Variants in GPATCH3 observed in about 807,000 individuals in gnomAD.
GPATCH3 encodes G patch domain-containing protein 3.
GPATCH3 carries 45 observed loss-of-function variants against 53.2 expected under a neutral mutation model. The ratio of observed to expected loss-of-function variants is 0.85; its 90% CI spans 0.67 to 1.08. GPATCH3 has a LOEUF of 1.08. GPATCH3 is among the 50% of genes least tolerant of loss of function. GPATCH3 has a pLI of 0.00. For missense variants in GPATCH3, 680 were observed against 687.2 expected (o/e 0.99, Z 0.12); for synonymous variants, 280 against 270.6 (o/e 1.03, Z -0.34).
chr1:26,893,473 C>CTTAATGTACTG, intron 3 of GPATCH3, 25 bp from the exon 4 acceptor site: 1 of 1,571,770 alleles, frequency 6.4e-7, no homozygotes, highest in Non-Finnish European at 8.7e-7. Context: ...AAGCATCCAA[C>CTTAATGTACTG]AGAGTACATT....
rs749274326 is a variant in GPATCH3 at position 26,890,868 on chromosome 1, G to C, written c.*142C>G. 1.2e-6 allele frequency: 1 copy of C among 848,770 alleles called. No individual in the cohort carries two copies. The allele number at this position is 848,770 out of a possible 1,614,324, so 52.6% of individuals were successfully genotyped here. A position where few individuals can be genotyped will look rare whatever the true frequency, so the allele number is the denominator to read the frequency against. On this transcript the variant is annotated 3_prime_UTR_variant, in exon 7 of 7. Transcript: ENST00000361720. ...AAAAATGCCCCTGAGGTATAGAACC[G>C]GCAGGCAGGCAGGCTCGGAACAAAA...
Position 26,897,716 on chromosome 1 carries a change from GAGCCCAGACCTTGGAA to G in GPATCH3, c.452-7_460del. ...TTCCTTCCGGGTCTTGAAGGGAAAG[GAGCCCAGACCTTGGAA>G]AGGAGGGAGAATAGATCTTGAAACC... On this transcript the variant is annotated splice_acceptor_variant and splice_polypyrimidine_tract_variant and coding_sequence_variant and intron_variant, in exon 2 of 7. Transcript: ENST00000361720. LOFTEE classifies it high-confidence loss of function. The G allele has an allele frequency of 6.2e-7, 1 of 1,609,360 alleles. No individual in the cohort carries two copies. The highest frequency in any genetic ancestry group is 1.1e-5 in the South Asian group (1 of 90,610).
In GPATCH3 at chr1:26,891,101, C is replaced by A; in HGVS notation, c.1487G>T (p.Arg496Leu). The A allele has an allele frequency of 6.2e-7, 1 of 1,614,106 alleles. No homozygotes were observed. The highest frequency in any genetic ancestry group is 1.1e-5 in the South Asian group (1 of 91,076). ...AAACTTCATGCTGGTGGGTGGCTGG[C>A]GGCGGAGCAGTGACTCCGTCTGGTC... ...PQDQTESLLR[R>L]QPPTSMKFRT... is the part of the protein sequence containing the mutation. Residue 496 changes from arginine (R) to leucine (L), a missense_variant, in exon 7 of 7, where the codon CGC becomes CTC. Transcript: ENST00000361720.
chr1:26,900,446 G>T lies in GPATCH3; in HGVS notation c.-4C>A. The T allele has an allele frequency of 1.9e-6, 3 of 1,607,352 alleles. No individual in the cohort carries two copies. The highest frequency in any genetic ancestry group is 2.6e-6 in the Non-Finnish European group (3 of 1,175,974). On this transcript the variant is annotated 5_prime_UTR_variant, in exon 1 of 7. Coordinates refer to ENST00000361720, the MANE Select transcript of GPATCH3 (RefSeq NM_022078.3). ...CCGCCTCGCCGGGCACCGCCATCTTGGATTGTCACATGATCAGCTAGAACC... is the reference window on the plus strand; with the variant it reads ...CCGCCTCGCCGGGCACCGCCATCTTTGATTGTCACATGATCAGCTAGAACC...
In GPATCH3 at chr1:26,890,751, A is replaced by G. The variant is rs749741254; in HGVS notation, c.*259T>C. On this transcript the variant is annotated 3_prime_UTR_variant, in exon 7 of 7. Transcript: ENST00000361720. ...GCTTTTCAAAGTTCTGCAGGAGGCA[A>G]AGGGCAAGCCCAGAGATTAGGGTTA... 1.4e-6 allele frequency: 1 copy of G among 691,362 alleles called. No homozygotes were observed. Among genetic ancestry groups the G allele is most frequent in the Non-Finnish European group, 2.7e-6 (1 of 366,526 alleles). The allele number at this position is 691,362 out of a possible 1,614,324, so 42.8% of individuals were successfully genotyped here.
chr1:26,892,912 AT>A, intron 4 of GPATCH3, 121 bp from the exon 5 acceptor site: 2 of 1,247,096 alleles, frequency 1.6e-6, no homozygotes, highest in Non-Finnish European at 2.2e-6. Context: ...TATCTCTCTC[AT>A]TAGACTGGGA....
intron 2 of GPATCH3, among the ~76,000 whole-genome samples, chr1:26,894,976 T>TA (rs1172031397): frequency 1.3e-5 from 2 of 151,386 alleles, no homozygotes; most frequent in Admixed American, 1.3e-4. Flanking sequence ...TTCAGGGGAG[T>TA]AAAAAGTTCT....
At chr1:26,898,793 A>G (rs1255983112) in intron 1 of GPATCH3, among the ~76,000 whole-genome samples, 1 of 151,624 alleles carries the variant, frequency 6.6e-6, no homozygotes, top group African/African-American at 2.4e-5. Context: ...CAACCTCACA[A>G]GTAGCTGGGA....
At chr1:26,891,535 C>CAA (rs1201468455) in intron 6 of GPATCH3, among the ~76,000 whole-genome samples, 5,076 of 151,050 alleles carry the variant, frequency 0.034, 97 homozygotes, top group African/African-American at 0.053. Context: ...AAAAAAAAGT[C>CAA]AGATTTACTT....
Position 26,900,312 on chromosome 1 carries a change from A to T in GPATCH3, c.131T>A (p.Phe44Tyr). The T allele has an allele frequency of 6.2e-7, 1 of 1,614,010 alleles. No individual in the cohort carries two copies. Among genetic ancestry groups the T allele is most frequent in the Non-Finnish European group, 8.5e-7 (1 of 1,180,032 alleles). ...SQFREERGGG[F>Y]LCFHYRHRPE... The stretch of plus-strand genomic sequence containing the variant: ...CCGATGCCGGTAGTGGAAACAGAGG[A>T]AGCCACCGCCGCGCTCTTCTCGGAA... Residue 44 changes from phenylalanine (F) to tyrosine (Y), a missense_variant, in exon 1 of 7, where the codon TTC becomes TAC. Physicochemically the swap from Phe to Tyr is conservative, Grantham distance 22. Coordinates refer to ENST00000361720, the MANE Select transcript of GPATCH3 (RefSeq NM_022078.3).
In GPATCH3 at chr1:26,892,784, T is replaced by G. The variant is rs369109623; in HGVS notation, c.1119A>C (p.Gly373=). ...DMSVYYDRDG[G]DKDARDSVQM... is the part of the protein sequence containing the mutation. ...GGACAGAGTCTCGGGCATCCTTGTCTCCACCATCTGAGGAAACAGAGCTCA... is the reference window on the plus strand; with the variant it reads ...GGACAGAGTCTCGGGCATCCTTGTCGCCACCATCTGAGGAAACAGAGCTCA... Residue 373 remains glycine (G), a synonymous_variant, in exon 5 of 7, where the codon GGA becomes GGC. Transcript: ENST00000361720. The G allele has an allele frequency of 2.8e-5, 45 of 1,613,728 alleles. No individual in the cohort carries two copies. The highest frequency in any genetic ancestry group is 3.8e-5 in the Non-Finnish European group (45 of 1,179,780).
chr1:26,893,269 G>T, intron 4 of GPATCH3, 120 bp downstream of exon 4: 1 of 817,614 alleles, frequency 1.2e-6, no homozygotes. Flanking sequence ...CCCTCTCAGT[G>T]GGCTACCCCA....
In GPATCH3 at chr1:26,897,295, A is replaced by G; in HGVS notation, c.876+6T>C. On this transcript the variant is annotated splice_donor_region_variant and intron_variant, in intron 2 of 6. Coordinates refer to ENST00000361720, the MANE Select transcript of GPATCH3 (RefSeq NM_022078.3). ...CAGCAAGGACAGGGTAGCACACTGT[A>G]CTCACCTCATCTGAGTGAGACTCTT... 3 of 1,613,272 alleles carry G rather than the reference A, an allele frequency of 1.9e-6. No individual in the cohort carries two copies. The highest frequency in any genetic ancestry group is 2.5e-6 in the Non-Finnish European group (3 of 1,179,380).
chr1:26,890,791 G>T lies in GPATCH3; in HGVS notation c.*219C>A. On this transcript the variant is annotated 3_prime_UTR_variant, in exon 7 of 7. Transcript: ENST00000361720. ...GATTAGGGTTAGAGACCAAAGACAA[G>T]CGGTCGTTACCCCTAATATCCAAGG... The T allele has an allele frequency of 1.3e-6, 1 of 757,256 alleles. No individual in the cohort carries two copies. The highest frequency in any genetic ancestry group is 2.5e-6 in the Non-Finnish European group (1 of 404,718). 46.9% of individuals were successfully genotyped at this position (757,256 alleles called of 1,614,324 possible).
Position 26,892,775 on chromosome 1 carries a change from A to G in GPATCH3, c.1128T>C (p.Asp376=), listed in dbSNP as rs1397569847. The change falls in exon 5 of 7, where the codon GAT becomes GAC. Residue 376 remains aspartate (D), a synonymous_variant. Transcript: ENST00000361720. ...GACGCATTTGGACAGAGTCTCGGGC[A>G]TCCTTGTCTCCACCATCTGAGGAAA... The part of the protein sequence containing the change: ...VYYDRDGGDK[D]ARDSVQMRLE... 30 of 1,613,888 alleles carry G rather than the reference A, an allele frequency of 1.9e-5. No homozygotes were observed. The highest frequency in any genetic ancestry group is 2.0e-5 in the Non-Finnish European group (24 of 1,179,880).
At position 26,890,932 on chromosome 1, in the gene GPATCH3, C is replaced by A. The variant is rs368590257; in HGVS notation, c.*78G>T. On this transcript the variant is annotated 3_prime_UTR_variant, in exon 7 of 7. Coordinates refer to ENST00000361720, the MANE Select transcript of GPATCH3 (RefSeq NM_022078.3). Reference sequence around the variant, plus strand: ...CCACGAAGACTGCTGCTCCCAGACTCCTTTCTGCTTCAGTGGTAGATGAGG... The same window carrying A: ...CCACGAAGACTGCTGCTCCCAGACTACTTTCTGCTTCAGTGGTAGATGAGG... The A allele has an allele frequency of 7.6e-6, 10 of 1,321,824 alleles. No homozygotes were observed. Among genetic ancestry groups the A allele is most frequent in the East Asian group, 4.6e-5 (2 of 43,506 alleles). The allele number at this position is 1,321,824 out of a possible 1,614,324, so 81.9% of individuals were successfully genotyped here.
intron 1 of GPATCH3, among the ~76,000 whole-genome samples, chr1:26,899,663 C>G (rs1315818974): frequency 3.9e-5 from 6 of 152,174 alleles, no homozygotes; most frequent in Admixed American, 3.9e-4. Context: ...GTAGGAAGCA[C>G]AGAGAGAGCA....
chr1:26,892,658 G>A lies in GPATCH3; in HGVS notation c.1233+12C>T. ...GAGAGGGGTCCATGGGGTGGGCACAGTGCTAACTCACCTTGGTGTGGCGCT... is the reference window on the plus strand; with the variant it reads ...GAGAGGGGTCCATGGGGTGGGCACAATGCTAACTCACCTTGGTGTGGCGCT... On this transcript the variant is annotated intron_variant, in intron 5 of 6. Coordinates refer to ENST00000361720, the MANE Select transcript of GPATCH3 (RefSeq NM_022078.3). 1.2e-6 allele frequency: 2 copies of A among 1,614,218 alleles called. No individual in the cohort carries two copies. The highest frequency in any genetic ancestry group is 1.7e-6 in the Non-Finnish European group (2 of 1,180,028).
rs1289612042 is a variant in GPATCH3, at chr1:26,891,184, C to T, written c.1404G>A (p.Arg468=). 1.1e-5 allele frequency: 18 copies of T among 1,613,876 alleles called. No individual in the cohort carries two copies. The highest frequency in any genetic ancestry group is 1.5e-5 in the Non-Finnish European group (18 of 1,179,928). ...EKLQPFGQLK[R]PRRNGLGLIS... ...TGAGCCCCAAGCCATTTCTACGGGGCCTCTTCAGTTGCCCAAATGGCTGTA... is the reference window on the plus strand; with the variant it reads ...TGAGCCCCAAGCCATTTCTACGGGGTCTCTTCAGTTGCCCAAATGGCTGTA... Residue 468 remains arginine (R), a synonymous_variant, in exon 7 of 7, where the codon AGG becomes AGA. Transcript: ENST00000361720.
Sources: gnomAD v4.1 joint callset for allele counts (sites outside exome capture counted in the v4.1 genomes callset) on GRCh38, gnomAD v4.1.1 for gene constraint, MANE v1.5 for transcripts, NCBI Gene and HGNC (gene_info 2026-07-23, HGNC 2026-07-21) for gene names.